SNRNP200: variants seen among roughly 807,000 people sequenced by gnomAD.
SNRNP200 encodes the protein U5 small nuclear ribonucleoprotein 200 kDa helicase.
SNRNP200 carries 66 observed loss-of-function variants against 255.2 expected under a neutral mutation model. The observed-to-expected ratio is 0.26, with a 90% CI of 0.21 to 0.32. The LOEUF is 0.32. Ranked by LOEUF, SNRNP200 falls within the 10% of genes least tolerant of loss-of-function variation. The pLI, the probability that SNRNP200 is intolerant of heterozygous loss-of-function variation, is 1.00. For synonymous variants in SNRNP200, 939 were observed against 1,027.8 expected, an observed-to-expected ratio of 0.91 and a Z score of 1.65; for missense variants, 1,585 against 2,749.8, an observed-to-expected ratio of 0.58 and a Z score of 9.47.
Position 96,290,967 on chromosome 2 carries a change from T to A in SNRNP200, c.2422-152A>T. On this transcript the variant is annotated intron_variant, in intron 18 of 44. Transcript: ENST00000323853. This position sits in a 1 kb window ranked among gnomAD's most constrained non-coding sequence, Gnocchi z 4.5. ...AGTACTTGTCAATGTGACACCAGAA[T>A]AAAGAGGAAAGGTTTCCTTGGGTTC... The A allele has an allele frequency of 5.9e-6, 5 of 848,068 alleles. No individual in the cohort carries two copies. Among genetic ancestry groups the A allele is most frequent in the Non-Finnish European group, 9.7e-6 (5 of 517,792 alleles). 52.5% of individuals were successfully genotyped at this position (848,068 alleles called of 1,614,324 possible). A position where few individuals can be genotyped will look rare whatever the true frequency, so the allele number is the denominator to read the frequency against.
chr2:96,296,590 G>C lies in SNRNP200; in HGVS notation c.1617C>G (p.Ile539Met). ...GTINVDDFKI[I>M]YIAPMRSLVQ... is the part of the protein sequence containing the mutation. ...CCAAGGAGCGCATGGGGGCAATGTA[G>C]ATAATCTTGAAGTCATCCACATTGA... Residue 539 changes from isoleucine to methionine, a missense_variant, in exon 13 of 45, where the codon ATC becomes ATG. This residue lies in a region of SNRNP200 where 383 missense variants were observed against 645.3 expected (regional missense o/e 0.59). Coordinates refer to ENST00000323853, the MANE Select transcript of SNRNP200 (RefSeq NM_014014.5). The C allele has an allele frequency of 6.2e-7, 1 of 1,614,134 alleles. No homozygotes were observed. Among genetic ancestry groups the C allele is most frequent in the Non-Finnish European group, 8.5e-7 (1 of 1,180,012 alleles).
chr2:96,300,619 C>T (rs907720746), intron 5 of SNRNP200, among the ~76,000 whole-genome samples: 3 of 152,104 alleles, frequency 2.0e-5, no homozygotes, highest in African/African-American at 4.8e-5. Context: ...AAAAATTAGC[C>T]GGGCATGGTG....
At chr2:96,275,676 A>G (rs1684642921) in intron 43 of SNRNP200, among the ~76,000 whole-genome samples, 1 of 152,130 alleles carries the variant, frequency 6.6e-6, no homozygotes, top group Non-Finnish European at 1.5e-5. Flanking sequence ...TTCCTTAGAG[A>G]TACTTTTAAG....
rs765858248 is a variant in SNRNP200, at chr2:96,298,371, T to C, written c.1032A>G (p.Glu344=). The part of the protein sequence containing the change: ...LASAQSEAEK[E]RIMGKMEADP... ...CAGCTTCCATCTTTCCCATAATCCT[T>C]TCCTTTTCAGCTTCACTTTGTGCAC... The change falls in exon 9 of 45, where the codon GAA becomes GAG. Residue 344 remains glutamate, a synonymous_variant. Transcript: ENST00000323853. The C allele has an allele frequency of 4.3e-6, 7 of 1,614,180 alleles. No individual in the cohort carries two copies. Among genetic ancestry groups the C allele is most frequent in the Non-Finnish European group, 5.9e-6 (7 of 1,180,034 alleles).
chr2:96,287,445 C>G lies in SNRNP200; in HGVS notation c.3478G>C (p.Glu1160Gln). 1 of 1,607,128 alleles carries G rather than the reference C, an allele frequency of 6.2e-7. No individual in the cohort carries two copies. The highest frequency in any genetic ancestry group is 8.5e-7 in the Non-Finnish European group (1 of 1,173,544). ...GCGAGAGCATCCCACACACCAATCTCATTATGATTCAGGTCGTACAGACGC... is the reference window on the plus strand; with the variant it reads ...GCGAGAGCATCCCACACACCAATCTGATTATGATTCAGGTCGTACAGACGC... Reference protein sequence around the residue: ...FERLYDLNHNEIGELIRMPKM... With the variant: ...FERLYDLNHNQIGELIRMPKM... Residue 1160 changes from glutamate (E) to glutamine (Q), a missense_variant, in exon 26 of 45, where the codon GAG becomes CAG. Glu to Gln is a conservative substitution (Grantham distance 29). Transcript: ENST00000323853. The surrounding 1 kb of genome is among the most constrained non-coding windows in gnomAD (Gnocchi z 5.7).
chr2:96,276,785 T>C (rs1415577831), intron 43 of SNRNP200, 119 bp downstream of exon 43: 1 of 945,380 alleles, frequency 1.1e-6, no homozygotes, highest in Non-Finnish European at 1.8e-6. Context: ...TTCTCACCCT[T>C]GTGAGCTGAT....
intron 4 of SNRNP200, among the ~76,000 whole-genome samples, 193 bp from the exon 5 acceptor site, chr2:96,301,246 C>T (rs1332944877): frequency 6.6e-6 from 1 of 152,216 alleles, no homozygotes; most frequent in African/African-American, 2.4e-5. Flanking sequence ...ACCTGCCAGC[C>T]TTGGAGTCAG....
In SNRNP200 at chr2:96,284,598, G is replaced by C. The variant is rs1271345367; in HGVS notation, c.4165-13C>G. 6.3e-7 allele frequency: 1 copy of C among 1,592,384 alleles called. No homozygotes were observed. ...AGTCCATGTATACCTGGCGGGCAGA[G>C]GAGGGAGGCAGAACAACACTAGGCC... is the stretch of plus-strand genomic sequence containing the variant. On this transcript the variant is annotated splice_polypyrimidine_tract_variant and intron_variant, in intron 30 of 44. Transcript: ENST00000323853.
rs780044707 is a variant in SNRNP200, at chr2:96,305,532, C to T, written c.-95G>A. 213 of 1,547,512 alleles carry T rather than the reference C, an allele frequency of 1.4e-4. No homozygotes were observed. Among genetic ancestry groups the T allele is most frequent in the Admixed American group, 8.6e-4 (51 of 59,294 alleles). On this transcript the variant is annotated 5_prime_UTR_variant, in exon 1 of 45. Coordinates refer to ENST00000323853, the MANE Select transcript of SNRNP200 (RefSeq NM_014014.5). ...CTGCTCCCGCCGCGCCGGAACGACG[C>T]AGGAAAGACGCACTGGGGAAGGAAA...
At chr2:96,281,774 AAGG>A (rs764289928) in intron 35 of SNRNP200, 37 bp downstream of exon 35, 10 of 1,409,200 alleles carry the variant, frequency 7.1e-6, no homozygotes, top group South Asian at 2.3e-5. Context: ...TCATTTTAGG[AAGG>A]AGGTCTGTGC....
intron 5 of SNRNP200, among the ~76,000 whole-genome samples, chr2:96,300,131 G>A (rs890889678): frequency 3.3e-5 from 5 of 152,050 alleles, no homozygotes; most frequent in Admixed American, 1.3e-4. Flanking sequence ...TATATATACC[G>A]GGGCTCCATT....
chr2:96,278,635 C>T lies in SNRNP200; in HGVS notation c.5400G>A (p.Lys1800=), dbSNP rs370512583. ...EQTLSDLEQS[K]CISIEDEMDV... ...CCATCTCGTCCTCGATGCTGATGCA[C>T]TTGGACTGCTCCAGGTCACTCAGGG... Residue 1800 remains lysine, a synonymous_variant, in exon 38 of 45, where the codon AAG becomes AAA. Coordinates refer to ENST00000323853, the MANE Select transcript of SNRNP200 (RefSeq NM_014014.5). This position sits in a 1 kb window ranked among gnomAD's most constrained non-coding sequence, Gnocchi z 6.9. 6.2e-7 allele frequency: 1 copy of T among 1,614,112 alleles called. No homozygotes were observed. The highest frequency in any genetic ancestry group is 1.3e-5 in the African/African-American group (1 of 74,924).
At chr2:96,284,970 G>A (rs1305551962) in intron 30 of SNRNP200, 6 of 654,926 alleles carry the variant, frequency 9.2e-6, no homozygotes, top group Admixed American at 4.4e-5. Flanking sequence ...GGCTGGTCTC[G>A]AACTCCTGAT....
intron 23 of SNRNP200, 114 bp downstream of exon 23, chr2:96,288,923 A>C (rs2063866834): frequency 9.1e-7 from 1 of 1,097,346 alleles, no homozygotes; most frequent in Admixed American, 2.0e-5. Flanking sequence ...TGCAAAAACT[A>C]GGAGAACTGA....
chr2:96,293,762 T>A (rs2063899332), intron 14 of SNRNP200, among the ~76,000 whole-genome samples: 1 of 152,308 alleles, frequency 6.6e-6, no homozygotes, highest in Middle Eastern at 3.4e-3. Context: ...GAAACTCAGA[T>A]AAATGAGTTT....
rs985439781 is a variant in SNRNP200 at position 96,280,848 on chromosome 2, CT to C, written c.5024+965del. Reference sequence around the variant, plus strand: ...CAGGCATGAGCCACCACACCTGGCCCTTTTTTTTTTTTTTTTTTTTTTGAGA... The same window carrying C: ...CAGGCATGAGCCACCACACCTGGCCCTTTTTTTTTTTTTTTTTTTTTGAGA... On this transcript the variant is annotated intron_variant, in intron 35 of 44. Coordinates refer to ENST00000323853, the MANE Select transcript of SNRNP200 (RefSeq NM_014014.5). 8.3e-3 allele frequency among the ~76,000 whole-genome samples: 956 copies of C among 114,874 alleles called. 7 individuals carry two copies. The highest frequency in any genetic ancestry group is 0.043 in the East Asian group (159 of 3,664). The allele number at this position is 114,874 out of a possible 152,430, so 75.4% of individuals were successfully genotyped here. A position where few individuals can be genotyped will look rare whatever the true frequency, so the allele number is the denominator to read the frequency against.
chr2:96,277,466 G>GCA lies in SNRNP200; in HGVS notation c.5931+71_5931+72dup, dbSNP rs567744953. 4.2e-4 allele frequency: 660 copies of GCA among 1,570,974 alleles called. 2 individuals are homozygous for GCA. Among genetic ancestry groups the GCA allele is most frequent in the South Asian group, 1.1e-3 (96 of 89,700 alleles). On this transcript the variant is annotated intron_variant, in intron 41 of 44. Transcript: ENST00000323853. This position sits in a 1 kb window ranked among gnomAD's most constrained non-coding sequence, Gnocchi z 4.4. ...TTTAACTTACTGAGACTCACCTCCCGCAACCCACGCTCGGTCCACAACACT... is the reference window on the plus strand; with the variant it reads ...TTTAACTTACTGAGACTCACCTCCCGCACAACCCACGCTCGGTCCACAACACT...
At chr2:96,299,284 C>A in intron 6 of SNRNP200, 45 bp downstream of exon 6, 1 of 1,563,720 alleles carries the variant, frequency 6.4e-7, no homozygotes, top group Non-Finnish European at 8.8e-7. Context: ...GCACTAACAC[C>A]CAGAAGTAAC....
At position 96,301,654 on chromosome 2, in the gene SNRNP200, C is replaced by A; in HGVS notation, c.444G>T (p.Leu148=). 1 of 1,614,222 alleles carries A rather than the reference C, an allele frequency of 6.2e-7. No homozygotes were observed. The highest frequency in any genetic ancestry group is 8.5e-7 in the Non-Finnish European group (1 of 1,180,046). Residue 148 remains leucine (L), a synonymous_variant, in exon 4 of 45, where the codon CTG becomes CTT. Coordinates refer to ENST00000323853, the MANE Select transcript of SNRNP200 (RefSeq NM_014014.5). ...TCTCCTTTCGCCTTTCCTTGTCCCG[C>A]AGCTTTTCATTCTTTAGAACAGCTA... ...EVLAVLKNEK[L]RDKERRKEID...
Sources: gnomAD v4.1 joint callset for allele counts (sites outside exome capture counted in the v4.1 genomes callset) on GRCh38, gnomAD v4.1.1 for gene constraint, gnomAD v4.1.1 regional missense constraint, Gnocchi (gnomAD v3.1) non-coding constraint, MANE v1.5 for transcripts, NCBI Gene and HGNC (gene_info 2026-07-23, HGNC 2026-07-21) for gene names.